The following POLR1F variants were observed in gnomAD, a reference collection of about 807,000 sequenced individuals.
The protein encoded by POLR1F is RNA polymerase I subunit F.
In POLR1F, 23 loss-of-function variants were observed where a neutral mutation model predicts 21.8. That is an observed-to-expected ratio of 1.05 (90% CI 0.76 to 1.49). POLR1F has a LOEUF of 1.49. POLR1F is among the 40% of genes most tolerant of loss of function. The probability of loss-of-function intolerance (pLI) is 0.00; values close to 1 mark genes in which losing one functional copy is unlikely to be tolerated. For synonymous variants in POLR1F, 162 were observed against 152.8 expected (o/e 1.06, Z -0.45); for missense variants, 435 against 412.1 (o/e 1.06, Z -0.48).
At chr7:19,707,019 G>A (rs988658354) in intron 1 of POLR1F, among the ~76,000 whole-genome samples, 3 of 152,202 alleles carry the variant, frequency 2.0e-5, no homozygotes, top group African/African-American at 7.2e-5. Context: ...CCTCTAGCCT[G>A]TCAAGTGCAG....
intron 2 of POLR1F, among the ~76,000 whole-genome samples, chr7:19,703,416 TTATTA>T (rs1158796755): frequency 3.9e-5 from 6 of 152,228 alleles, no homozygotes; most frequent in Admixed American, 1.3e-4. Context: ...TCTGTGCATT[TTATTA>T]TATGTAAATT....
rs745537009 is a variant in POLR1F at position 19,708,989 on chromosome 7, G to A, written c.28C>T (p.Arg10Trp). MAAGCSEAP[R>W]PAAASDGSLV... ...GACCCATCAGAAGCCGCCGCTGGCC[G>A]CGGCGCCTCTGAGCAACCTGCAGCC... The change falls in exon 1 of 4, where the codon CGG (arginine) becomes TGG (tryptophan). Residue 10 changes from arginine to tryptophan, a missense_variant. Coordinates refer to ENST00000222567, the MANE Select transcript of POLR1F (RefSeq NM_001002926.2). 1.9e-5 allele frequency: 31 copies of A among 1,594,538 alleles called. 1 individual carries two copies. The highest frequency in any genetic ancestry group is 1.9e-4 in the Middle Eastern group (1 of 5,130).
At position 19,697,267 on chromosome 7, in the gene POLR1F, T is replaced by A. The variant is rs1226426393; in HGVS notation, c.*1049A>T. ...TGTATATGCACATCTGTTTCTCTTA[T>A]GACATGCCACAAGGGAAGGAACTAC... On this transcript the variant is annotated 3_prime_UTR_variant, in exon 4 of 4. Transcript: ENST00000222567. 6.6e-6 allele frequency: 1 copy of A among 152,138 alleles called. No individual in the cohort carries two copies. Among genetic ancestry groups the A allele is most frequent in the Non-Finnish European group, 1.5e-5 (1 of 67,980 alleles). 9.4% of individuals were successfully genotyped at this position (152,138 alleles called of 1,614,324 possible). A position where few individuals can be genotyped will look rare whatever the true frequency, so the allele number is the denominator to read the frequency against.
chr7:19,709,027 A>C lies in POLR1F; in HGVS notation c.-11T>G, dbSNP rs1783582083. ...GCAACCTGCAGCCATGCTGCTTGTC[A>C]AGGTTCCCACGGCGCGCGCCGTTGA... On this transcript the variant is annotated 5_prime_UTR_variant, in exon 1 of 4. Transcript: ENST00000222567. 6.4e-7 allele frequency: 1 copy of C among 1,561,414 alleles called. No individual in the cohort carries two copies. The highest frequency in any genetic ancestry group is 8.7e-7 in the Non-Finnish European group (1 of 1,155,406).
chr7:19,701,726 G>T (rs1196735516), intron 2 of POLR1F, among the ~76,000 whole-genome samples: 3 of 152,090 alleles, frequency 2.0e-5, no homozygotes, highest in Non-Finnish European at 2.9e-5. Flanking sequence ...CCTCTGGGGG[G>T]GCAGGGATAT....
chr7:19,707,990 A>T (rs1783555341), intron 1 of POLR1F, among the ~76,000 whole-genome samples: 1 of 151,856 alleles, frequency 6.6e-6, no homozygotes, highest in African/African-American at 2.4e-5. Context: ...TAGTTTTAGA[A>T]CCCCGCTTTT....
rs1317404696 is a variant in POLR1F, at chr7:19,709,011, A to C, written c.6T>G (p.Ala2=). The stretch of plus-strand genomic sequence containing the variant: ...GCCGCGGCGCCTCTGAGCAACCTGC[A>C]GCCATGCTGCTTGTCAAGGTTCCCA... M[A]AGCSEAPRPA... Residue 2 remains alanine (A), a synonymous_variant, in exon 1 of 4, where the codon GCT becomes GCG. Transcript: ENST00000222567. 5 of 1,574,884 alleles carry C rather than the reference A, an allele frequency of 3.2e-6. No homozygotes were observed. The highest frequency in any genetic ancestry group is 1.1e-5 in the South Asian group (1 of 90,132).
intron 1 of POLR1F, among the ~76,000 whole-genome samples, chr7:19,705,841 C>A (rs1453861627): frequency 6.6e-6 from 1 of 152,120 alleles, no homozygotes; most frequent in South Asian, 2.1e-4. Flanking sequence ...GAGGGAGACT[C>A]CATCTCAAAC....
chr7:19,700,184 G>C lies in POLR1F; in HGVS notation c.493C>G (p.Gln165Glu). The C allele has an allele frequency of 1.2e-6, 2 of 1,613,838 alleles. No homozygotes were observed. The highest frequency in any genetic ancestry group is 1.7e-6 in the Non-Finnish European group (2 of 1,179,810). Residue 165 changes from glutamine (Q) to glutamate (E), a missense_variant, in exon 3 of 4, where the codon CAG becomes GAG. Physicochemically the swap from Gln to Glu is conservative, Grantham distance 29. Coordinates refer to ENST00000222567, the MANE Select transcript of POLR1F (RefSeq NM_001002926.2). ...IPKPEQLSAE[Q>E]WQTMEINMGD... ...ATGTTTATCTCCATGGTTTGCCACT[G>C]CTCAGCTGACAACTGCTCAGGTTTA...
intron 3 of POLR1F, among the ~76,000 whole-genome samples, 170 bp downstream of exon 3, chr7:19,699,902 C>G (rs572985689): frequency 6.6e-6 from 1 of 152,116 alleles, no homozygotes; most frequent in Non-Finnish European, 1.5e-5. Flanking sequence ...TTACAGATTA[C>G]TTAAGAGTAT....
In POLR1F at chr7:19,697,350, G is replaced by A. The variant is rs1206187601; in HGVS notation, c.*966C>T. On this transcript the variant is annotated 3_prime_UTR_variant, in exon 4 of 4. Coordinates refer to ENST00000222567, the MANE Select transcript of POLR1F (RefSeq NM_001002926.2). ...TTAGCAGAATGTGTTATACAAAGTAGATGGTCAAGTGTGTGGAAAATGAAT... is the reference window on the plus strand; with the variant it reads ...TTAGCAGAATGTGTTATACAAAGTAAATGGTCAAGTGTGTGGAAAATGAAT... 6.6e-6 allele frequency: 1 copy of A among 152,108 alleles called. No homozygotes were observed. The highest frequency in any genetic ancestry group is 1.5e-5 in the Non-Finnish European group (1 of 67,984). The allele number at this position is 152,108 out of a possible 1,614,324, so 9.4% of individuals were successfully genotyped here. A position where few individuals can be genotyped will look rare whatever the true frequency, so the allele number is the denominator to read the frequency against.
rs377369926 is a variant in POLR1F at position 19,709,029 on chromosome 7, G to C, written c.-13C>G. ...AACCTGCAGCCATGCTGCTTGTCAA[G>C]GTTCCCACGGCGCGCGCCGTTGACG... On this transcript the variant is annotated 5_prime_UTR_variant, in exon 1 of 4. Transcript: ENST00000222567. 6.4e-7 allele frequency: 1 copy of C among 1,556,400 alleles called. No homozygotes were observed. The highest frequency in any genetic ancestry group is 1.1e-5 in the South Asian group (1 of 88,550).
Position 19,698,302 on chromosome 7 carries a change from G to A in POLR1F, c.*14C>T, listed in dbSNP as rs777511697. ...AGATCGATCTTTTAAAAACTGAATC[G>A]TGTTTAAAATACACTAAAGAAAATT... On this transcript the variant is annotated 3_prime_UTR_variant, in exon 4 of 4. Transcript: ENST00000222567. 19 of 1,530,608 alleles carry A rather than the reference G, an allele frequency of 1.2e-5. No homozygotes were observed. The highest frequency in any genetic ancestry group is 1.4e-5 in the Non-Finnish European group (16 of 1,147,306). 94.8% of individuals were successfully genotyped at this position (1,530,608 alleles called of 1,614,324 possible). A position where few individuals can be genotyped will look rare whatever the true frequency, so the allele number is the denominator to read the frequency against.
intron 3 of POLR1F, 123 bp from the exon 4 acceptor site, chr7:19,698,850 C>T (rs1013331366): frequency 2.9e-6 from 2 of 686,940 alleles, no homozygotes; most frequent in Non-Finnish European, 4.3e-6. Context: ...AGACACATAA[C>T]CATGGCATAA....
chr7:19,698,931 A>G (rs1562595155), intron 3 of POLR1F, among the ~76,000 whole-genome samples: 1 of 152,114 alleles, frequency 6.6e-6, no homozygotes, highest in Non-Finnish European at 1.5e-5. Context: ...GTTAAATTGA[A>G]AAATGTTAAA....
intron 1 of POLR1F, among the ~76,000 whole-genome samples, chr7:19,707,995 G>A (rs768478074): frequency 6.6e-6 from 1 of 152,002 alleles, no homozygotes; most frequent in African/African-American, 2.4e-5. Flanking sequence ...TTAGAACCCC[G>A]CTTTTAAACC....
rs907576384 is a variant in POLR1F at position 19,695,800 on chromosome 7, G to T, written c.*2516C>A. ...TAGATAACTTCTTAGTCCTCTGTCA[G>T]GTTCTCCACCTGGAATGCCACAGCT... On this transcript the variant is annotated 3_prime_UTR_variant, in exon 4 of 4. Coordinates refer to ENST00000222567, the MANE Select transcript of POLR1F (RefSeq NM_001002926.2). 1.6e-4 allele frequency: 25 copies of T among 152,128 alleles called. No individual in the cohort carries two copies. Among genetic ancestry groups the T allele is most frequent in the African/African-American group, 5.5e-4 (23 of 41,444 alleles). 9.4% of individuals were successfully genotyped at this position (152,128 alleles called of 1,614,324 possible). A position where few individuals can be genotyped will look rare whatever the true frequency, so the allele number is the denominator to read the frequency against.
intron 3 of POLR1F, among the ~76,000 whole-genome samples, 190 bp downstream of exon 3, chr7:19,699,882 T>G (rs1439529147): frequency 6.6e-6 from 1 of 152,214 alleles, no homozygotes; most frequent in Non-Finnish European, 1.5e-5. Flanking sequence ...AATATTTATT[T>G]GATGCACTGT....
In POLR1F at chr7:19,696,038, G is replaced by A. The variant is rs1783358574; in HGVS notation, c.*2278C>T. On this transcript the variant is annotated 3_prime_UTR_variant, in exon 4 of 4. Transcript: ENST00000222567. Reference sequence around the variant, plus strand: ...AGGTGTCTTGCACAGTGAAATGGGTGAATGATAGGAACTGGAGAGAGGGTA... The same window carrying A: ...AGGTGTCTTGCACAGTGAAATGGGTAAATGATAGGAACTGGAGAGAGGGTA... 1 of 152,130 alleles carries A rather than the reference G, an allele frequency of 6.6e-6. No individual in the cohort carries two copies. Among genetic ancestry groups the A allele is most frequent in the African/African-American group, 2.4e-5 (1 of 41,444 alleles). 9.4% of individuals were successfully genotyped at this position (152,130 alleles called of 1,614,324 possible). A position where few individuals can be genotyped will look rare whatever the true frequency, so the allele number is the denominator to read the frequency against.
Sources: allele counts gnomAD v4.1 joint callset (sites outside exome capture counted in the v4.1 genomes callset), GRCh38; gene constraint gnomAD v4.1.1; transcripts MANE v1.5; gene names NCBI Gene and HGNC (gene_info 2026-07-23, HGNC 2026-07-21).